Variants in CTNNA2 observed in about 807,000 individuals in gnomAD.
The protein encoded by CTNNA2 is catenin alpha 2.
CTNNA2 carries 42 observed loss-of-function variants against 101.0 expected under a neutral mutation model. The observed-to-expected ratio is 0.42, with a 90% CI of 0.32 to 0.54. The LOEUF is 0.54. Ranked by LOEUF, CTNNA2 falls within the 20% of genes least tolerant of loss-of-function variation. The pLI, the probability that CTNNA2 is intolerant of heterozygous loss-of-function variation, is 0.14. For missense variants in CTNNA2, 871 were observed against 1,223.1 expected (o/e 0.71, Z 4.29); for synonymous variants, 450 against 456.4 (o/e 0.99, Z 0.18).
At chr2:79,893,358 A>T (rs886162686) in intron 6 of CTNNA2, among the ~76,000 whole-genome samples, 1 of 152,114 alleles carries the variant, frequency 6.6e-6, no homozygotes, top group African/African-American at 2.4e-5. Context: ...TTATTTTTTT[A>T]TGGGATTGGG....
intron 7 of CTNNA2, among the ~76,000 whole-genome samples, chr2:80,362,484 G>T (rs982475089): frequency 6.6e-6 from 1 of 152,084 alleles, no homozygotes; most frequent in African/African-American, 2.4e-5. Flanking sequence ...TGAAAGGGGA[G>T]TAATAACACT....
chr2:79,376,768 G>T (rs1283320600), intron 4 of CTNNA2, among the ~76,000 whole-genome samples: 4 of 152,046 alleles, frequency 2.6e-5, no homozygotes, highest in Non-Finnish European at 1.5e-5. Flanking sequence ...AGTTTGCTGA[G>T]AATGATGGTT....
intron 7 of CTNNA2, among the ~76,000 whole-genome samples, chr2:79,927,635 C>T (rs1296546317): frequency 6.6e-6 from 1 of 152,036 alleles, no homozygotes; most frequent in Non-Finnish European, 1.5e-5. Context: ...TAGGGCTGAT[C>T]AAATTCATTG....
At chr2:79,428,451 A>T (rs998109066) in intron 4 of CTNNA2, among the ~76,000 whole-genome samples, 3 of 152,116 alleles carry the variant, frequency 2.0e-5, no homozygotes, top group African/African-American at 2.4e-5. Context: ...GTCACTGGGA[A>T]CAGAAAGTGC....
At chr2:79,411,853 C>G (rs1452092648) in intron 4 of CTNNA2, among the ~76,000 whole-genome samples, 1 of 152,024 alleles carries the variant, frequency 6.6e-6, no homozygotes, top group African/African-American at 2.4e-5. Flanking sequence ...AGCAAAATAA[C>G]CAGCTAACAT....
intron 6 of CTNNA2, among the ~76,000 whole-genome samples, chr2:79,891,794 A>T (rs1684324730): frequency 6.6e-6 from 1 of 152,214 alleles, no homozygotes; most frequent in Admixed American, 6.5e-5. Flanking sequence ...AAACAAATTT[A>T]TACTGAAAAT....
intron 9 of CTNNA2, among the ~76,000 whole-genome samples, chr2:80,429,152 T>C (rs1405230185): frequency 6.6e-6 from 1 of 152,180 alleles, no homozygotes; most frequent in Non-Finnish European, 1.5e-5. Context: ...TCTTAAACCC[T>C]ACCATATTTT....
chr2:79,748,039 G>A (rs1446547829), intron 3 of CTNNA2, among the ~76,000 whole-genome samples: 1 of 152,136 alleles, frequency 6.6e-6, no homozygotes, highest in Non-Finnish European at 1.5e-5. Flanking sequence ...TGTGAGTGGT[G>A]CACCTCCTCA....
chr2:79,264,164 G>A (rs1268190255), intron 2 of CTNNA2, among the ~76,000 whole-genome samples: 2 of 152,120 alleles, frequency 1.3e-5, no homozygotes, highest in Non-Finnish European at 2.9e-5. Flanking sequence ...ACTTGTGAGA[G>A]GCAGTGCTGT....
chr2:80,080,927 A>G (rs557915704), intron 7 of CTNNA2, among the ~76,000 whole-genome samples: 1 of 143,082 alleles, frequency 7.0e-6, no homozygotes, highest in South Asian at 2.3e-4. Context: ...AACCACTCAC[A>G]GGCGCACACA....
At chr2:80,155,548 T>G (rs1457029088) in intron 7 of CTNNA2, among the ~76,000 whole-genome samples, 1 of 152,122 alleles carries the variant, frequency 6.6e-6, no homozygotes, top group Non-Finnish European at 1.5e-5. Context: ...TTCCTTTCCT[T>G]TTCTTCTTTT....
intron 4 of CTNNA2, among the ~76,000 whole-genome samples, chr2:79,490,168 A>G (rs779702592): frequency 2.6e-5 from 4 of 152,188 alleles, no homozygotes; most frequent in African/African-American, 7.2e-5. Context: ...CTGACCATAC[A>G]TAGTATATAT....
intron 3 of CTNNA2, among the ~76,000 whole-genome samples, chr2:79,370,958 A>G (rs1355990539): frequency 6.6e-6 from 1 of 152,090 alleles, no homozygotes. Flanking sequence ...GTCACACTGG[A>G]TGAATGGCTC....
Position 79,313,372 on chromosome 2 carries a change from A to T in CTNNA2, c.-318+576A>T, listed in dbSNP as rs568503208. Among the ~76,000 whole-genome samples, 27 of 152,344 alleles carry T rather than the reference A, an allele frequency of 1.8e-4. 1 individual carries two copies. In the South Asian group the frequency reaches 5.4e-3, roughly 30 times the overall value. On this transcript the variant is annotated intron_variant, in intron 3 of 21. Coordinates refer to the CTNNA2 transcript ENST00000466387. ...CAGACCTATAACATTAATATTTAAG[A>T]TTAATTGAACATTTACTGTATGTCA...
chr2:80,344,152 T>C (rs1216841457), intron 7 of CTNNA2, among the ~76,000 whole-genome samples: 1 of 152,168 alleles, frequency 6.6e-6, no homozygotes, highest in Non-Finnish European at 1.5e-5. Flanking sequence ...CCTTTTCTTC[T>C]TGAAATACTT....
chr2:79,281,358 G>T (rs1418615190), intron 2 of CTNNA2: 1 of 152,162 alleles, frequency 6.6e-6, no homozygotes, highest in Non-Finnish European at 1.5e-5. Flanking sequence ...TCCTCAGAGA[G>T]CACTGATTCC....
chr2:80,311,089 T>A (rs1487767588), intron 7 of CTNNA2, among the ~76,000 whole-genome samples: 1 of 152,158 alleles, frequency 6.6e-6, no homozygotes, highest in Admixed American at 6.5e-5. Context: ...GGGTATACAT[T>A]CTTTCAGAAT....
chr2:79,657,254 A>G (rs1157879622), intron 2 of CTNNA2, among the ~76,000 whole-genome samples: 1 of 151,940 alleles, frequency 6.6e-6, no homozygotes, highest in Non-Finnish European at 1.5e-5. Context: ...ATGAGAAAGC[A>G]GAAGTAAATC....
intron 7 of CTNNA2, among the ~76,000 whole-genome samples, chr2:80,018,360 T>C (rs1425597407): frequency 6.6e-6 from 1 of 152,244 alleles, no homozygotes; most frequent in African/African-American, 2.4e-5. Context: ...ACTCATCGTT[T>C]GCTGGAAACG....
Sources: gnomAD v4.1 joint callset for allele counts (sites outside exome capture counted in the v4.1 genomes callset) on GRCh38, gnomAD v4.1.1 for gene constraint, MANE v1.5 for transcripts, NCBI Gene and HGNC (gene_info 2026-07-23, HGNC 2026-07-21) for gene names.